Variants in ETV6 observed in about 807,000 individuals in gnomAD.
The protein encoded by ETV6 is ETS variant transcription factor 6.
A neutral mutation model predicts 51.1 loss-of-function variants in ETV6; 16 were observed. The ratio of observed to expected loss-of-function variants is 0.31; its 90% CI spans 0.21 to 0.48. The LOEUF is 0.48. ETV6 is among the 20% of genes least tolerant of loss of function. The probability of loss-of-function intolerance (pLI) is 0.99; values close to 1 mark genes in which losing one functional copy is unlikely to be tolerated. For missense variants in ETV6, 458 were observed against 594.8 expected (o/e 0.77, Z 2.39); for synonymous variants, 240 against 224.1 (o/e 1.07, Z -0.64).
intron 2 of ETV6, among the ~76,000 whole-genome samples, chr12:11,789,874 G>A (rs1308824848): frequency 6.6e-6 from 1 of 152,026 alleles, no homozygotes; most frequent in Non-Finnish European, 1.5e-5. Flanking sequence ...CCCAGATTCT[G>A]CAGTTTTACA....
At chr12:11,879,173 A>G (rs1227821461) in intron 5 of ETV6, among the ~76,000 whole-genome samples, 1 of 152,208 alleles carries the variant, frequency 6.6e-6, no homozygotes, top group Non-Finnish European at 1.5e-5. Context: ...TAAATTTCAA[A>G]AAATGTAACA....
At chr12:11,725,856 G>A (rs1157232334) in intron 1 of ETV6, among the ~76,000 whole-genome samples, 1 of 152,208 alleles carries the variant, frequency 6.6e-6, no homozygotes, top group Non-Finnish European at 1.5e-5. Context: ...GCCACGAGTG[G>A]AAGCAGCCTG....
chr12:11,763,076 C>G (rs1945113643), intron 2 of ETV6, among the ~76,000 whole-genome samples: 1 of 152,182 alleles, frequency 6.6e-6, no homozygotes, highest in African/African-American at 2.4e-5. Context: ...AGGTTCATCT[C>G]TGTTAGGCAT....
chr12:11,873,278 A>G (rs1946912527), intron 5 of ETV6, among the ~76,000 whole-genome samples: 1 of 152,092 alleles, frequency 6.6e-6, no homozygotes, highest in South Asian at 2.1e-4. Flanking sequence ...CTCCCAAGAA[A>G]ACACAAGAGT....
chr12:11,656,662 T>C (rs1864003975), intron 1 of ETV6, among the ~76,000 whole-genome samples: 1 of 152,076 alleles, frequency 6.6e-6, no homozygotes, highest in Non-Finnish European at 1.5e-5. Context: ...TTTTCTCAGA[T>C]GCCTTTCTTT....
intron 7 of ETV6, among the ~76,000 whole-genome samples, chr12:11,890,322 GAA>G: frequency 8.0e-6 from 1 of 125,348 alleles, no homozygotes; most frequent in African/African-American, 3.4e-5. Context: ...TTCTGTAAAA[GAA>G]AGAACATATA....
chr12:11,817,622 T>A (rs929790170), intron 2 of ETV6, among the ~76,000 whole-genome samples: 2 of 152,232 alleles, frequency 1.3e-5, no homozygotes, highest in Admixed American at 6.5e-5. Flanking sequence ...ACGTTCCATT[T>A]TAATGCACAA....
chr12:11,858,599 G>A lies in ETV6; in HGVS notation c.463+5038G>A, dbSNP rs547402994. Among the ~76,000 whole-genome samples the A allele has an allele frequency of 7.2e-5, 11 of 152,204 alleles. No homozygotes were observed. The South Asian group carries it at 1.5e-3, about 20-fold the overall frequency. On this transcript the variant is annotated intron_variant, in intron 4 of 7. Coordinates refer to ENST00000396373, the MANE Select transcript of ETV6 (RefSeq NM_001987.5). ...GGAGCAAGATCCGGATTTCTCAAAC[G>A]TTCTCATCCCATCACCCCCTTGGAG...
intron 2 of ETV6, among the ~76,000 whole-genome samples, chr12:11,827,187 C>T (rs186042261): frequency 1.4e-4 from 22 of 151,744 alleles, no homozygotes; most frequent in Admixed American, 2.6e-4. Flanking sequence ...TTTCATGAGG[C>T]GTCAGCAACG....
At chr12:11,883,018 A>G (rs1947124765) in intron 5 of ETV6, among the ~76,000 whole-genome samples, 1 of 152,212 alleles carries the variant, frequency 6.6e-6, no homozygotes, top group Non-Finnish European at 1.5e-5. Flanking sequence ...TCATACTTGT[A>G]ATTCAGTAGT....
At chr12:11,825,780 T>G (rs926401343) in intron 2 of ETV6, 7 of 152,142 alleles carry the variant, frequency 4.6e-5, no homozygotes, top group Admixed American at 4.6e-4. Context: ...AAGAGAGATT[T>G]TAAATATTTC....
At chr12:11,864,570 C>T (rs559168051) in intron 4 of ETV6, among the ~76,000 whole-genome samples, 1 of 152,214 alleles carries the variant, frequency 6.6e-6, no homozygotes, top group South Asian at 2.1e-4. Flanking sequence ...AAGATAAATA[C>T]ATTTCTATGG....
rs1231421134 is a variant in ETV6, at chr12:11,893,859, CACAAATATTCCAGGAT to C, written c.*2819_*2834del. 1 of 159,258 alleles carries C rather than the reference CACAAATATTCCAGGAT, an allele frequency of 6.3e-6. No homozygotes were observed. The highest frequency in any genetic ancestry group is 1.3e-5 in the Non-Finnish European group (1 of 79,518). 9.9% of individuals were successfully genotyped at this position (159,258 alleles called of 1,614,324 possible). On this transcript the variant is annotated 3_prime_UTR_variant, in exon 8 of 8. Transcript: ENST00000396373. ...ATATATATACACACACACACACATA[CACAAATATTCCAGGAT>C]ACAAAAAAAAACATTTAAAAATCCG...
chr12:11,894,436 G>C lies in ETV6; in HGVS notation c.*3390G>C. On this transcript the variant is annotated 3_prime_UTR_variant, in exon 8 of 8. Transcript: ENST00000396373. The stretch of plus-strand genomic sequence containing the variant: ...GAACTCTAAGATCTTGACCCAGGGC[G>C]ACTTGGTTTTGCTTAAGGTGGCATC... 1 of 233,174 alleles carries C rather than the reference G, an allele frequency of 4.3e-6. No homozygotes were observed. The allele number at this position is 233,174 out of a possible 1,614,324, so 14.4% of individuals were successfully genotyped here. A position where few individuals can be genotyped will look rare whatever the true frequency, so the allele number is the denominator to read the frequency against.
chr12:11,861,436 G>A (rs970311442), intron 4 of ETV6, among the ~76,000 whole-genome samples: 10 of 152,106 alleles, frequency 6.6e-5, no homozygotes, highest in Admixed American at 3.9e-4. Flanking sequence ...GTTTTGTGAC[G>A]GAGTGTAGGG....
chr12:11,835,173 A>G (rs1264444355), intron 2 of ETV6, among the ~76,000 whole-genome samples: 1 of 152,264 alleles, frequency 6.6e-6, no homozygotes, highest in Non-Finnish European at 1.5e-5. Flanking sequence ...GGAGAAGTAC[A>G]GTAGAATTTT....
At chr12:11,879,849 A>G (rs900659777) in intron 5 of ETV6, among the ~76,000 whole-genome samples, 6 of 152,126 alleles carry the variant, frequency 3.9e-5, no homozygotes, top group Non-Finnish European at 8.8e-5. Flanking sequence ...AGTATTATGC[A>G]TTTACATTGA....
intron 1 of ETV6, among the ~76,000 whole-genome samples, chr12:11,677,081 A>G (rs1864434141): frequency 6.6e-6 from 1 of 152,212 alleles, no homozygotes; most frequent in Non-Finnish European, 1.5e-5. Context: ...TTTTAAATTG[A>G]GTTTCTGCTT....
At chr12:11,763,740 G>T (rs1177039871) in intron 2 of ETV6, among the ~76,000 whole-genome samples, 1 of 152,234 alleles carries the variant, frequency 6.6e-6, no homozygotes, top group Non-Finnish European at 1.5e-5. Context: ...TCGGGGAAAA[G>T]AACTTGAAAT....
Sources: gnomAD v4.1 joint callset for allele counts (sites outside exome capture counted in the v4.1 genomes callset) on GRCh38, gnomAD v4.1.1 for gene constraint, MANE v1.5 for transcripts, NCBI Gene and HGNC (gene_info 2026-07-23, HGNC 2026-07-21) for gene names.